The following PGAP1 variants were observed in gnomAD, a reference collection of about 807,000 sequenced individuals.
PGAP1 encodes the protein post-GPI attachment to proteins inositol deacylase 1, also known as GPI inositol-deacylase.
Under a neutral mutation model 127.0 loss-of-function variants are expected in PGAP1, and 76 were observed. That is an observed-to-expected ratio of 0.60 (90% CI 0.50 to 0.72). The LOEUF (loss-of-function observed/expected upper bound fraction) is 0.72. Among genes scored for constraint, PGAP1 ranks in the 30% least tolerant of loss-of-function variants. PGAP1 has a pLI of 0.00. For synonymous variants in PGAP1, 362 were observed against 366.5 expected (o/e 0.99, Z 0.14); for missense variants, 982 against 1,071.3 (o/e 0.92, Z 1.16).
At chr2:196,914,653 CAAAACA>C (rs1702941541) in intron 3 of PGAP1, among the ~76,000 whole-genome samples, 1 of 149,142 alleles carries the variant, frequency 6.7e-6, no homozygotes, top group East Asian at 2.0e-4. Flanking sequence ...CAAAACAAAA[CAAAACA>C]AAACAAGTTG....
Position 196,891,732 on chromosome 2 carries a change from C to T in PGAP1, c.1089+614G>A, listed in dbSNP as rs114941290. Among the ~76,000 whole-genome samples, 787 of 152,108 alleles carry T rather than the reference C, an allele frequency of 5.2e-3. 4 individuals are homozygous for T. The highest frequency in any genetic ancestry group is 8.3e-3 in the Non-Finnish European group (564 of 67,920). ...TAAGTATATAGAATTAACTAGAATACTATTCTAGTTAATAAATAATAAAAT... is the reference window on the plus strand; with the variant it reads ...TAAGTATATAGAATTAACTAGAATATTATTCTAGTTAATAAATAATAAAAT... On this transcript the variant is annotated intron_variant, in intron 9 of 26. Coordinates refer to ENST00000354764, the MANE Select transcript of PGAP1 (RefSeq NM_024989.4).
Position 196,886,841 on chromosome 2 carries a change from C to T in PGAP1, c.1174-961G>A, listed in dbSNP as rs150415659. Among the ~76,000 whole-genome samples the T allele has an allele frequency of 9.5e-3, 1,447 of 151,930 alleles. 13 individuals are homozygous for T. The highest frequency in any genetic ancestry group is 0.015 in the Non-Finnish European group (1,001 of 67,948). ...GCCTCCAGAGTAGCTGGGACTACAGCGGTGTGACACCACACACAGCTAATT... is the reference window on the plus strand; with the variant it reads ...GCCTCCAGAGTAGCTGGGACTACAGTGGTGTGACACCACACACAGCTAATT... On this transcript the variant is annotated intron_variant, in intron 10 of 26. Transcript: ENST00000354764.
At chr2:196,854,434 T>C (rs985086828) in intron 20 of PGAP1, among the ~76,000 whole-genome samples, 5 of 152,216 alleles carry the variant, frequency 3.3e-5, no homozygotes, top group African/African-American at 1.2e-4. Context: ...AAATCAAATA[T>C]GTTATCAGTC....
chr2:196,896,681 A>G (rs1702284080), intron 7 of PGAP1, among the ~76,000 whole-genome samples: 1 of 151,766 alleles, frequency 6.6e-6, no homozygotes, highest in Admixed American at 6.6e-5. Context: ...CCCCATCTCT[A>G]TTAAAAATAC....
At chr2:196,894,758 C>T (rs1010279467) in intron 7 of PGAP1, among the ~76,000 whole-genome samples, 5 of 152,224 alleles carry the variant, frequency 3.3e-5, no homozygotes, top group Admixed American at 6.5e-5. Context: ...GCCGAGATCG[C>T]GCCACTGCAC....
chr2:196,861,474 AAAAC>A (rs1368553825), intron 20 of PGAP1, among the ~76,000 whole-genome samples: 1 of 152,266 alleles, frequency 6.6e-6, no homozygotes, highest in East Asian at 1.9e-4. Flanking sequence ...ACTCAACAGC[AAAAC>A]AAACAAATAC....
intron 20 of PGAP1, among the ~76,000 whole-genome samples, chr2:196,851,160 T>C (rs1192053716): frequency 6.6e-6 from 1 of 151,642 alleles, no homozygotes; most frequent in Non-Finnish European, 1.5e-5. Flanking sequence ...TTTTGTTTTT[T>C]TTAAAAAAAA....
intron 4 of PGAP1, among the ~76,000 whole-genome samples, chr2:196,912,601 A>AC (rs1283782875): frequency 1.4e-5 from 2 of 144,356 alleles, no homozygotes; most frequent in African/African-American, 5.3e-5. Flanking sequence ...AAAAAAAAAA[A>AC]AAAAAACTAA....
intron 19 of PGAP1, among the ~76,000 whole-genome samples, chr2:196,870,115 T>C (rs1701366882): frequency 6.6e-6 from 1 of 152,216 alleles, no homozygotes; most frequent in Admixed American, 6.5e-5. Flanking sequence ...TTTGTAATAT[T>C]ATTTGCTAAT....
In PGAP1 at chr2:196,847,937, T is replaced by G. The variant is rs7609297; in HGVS notation, c.1952+10A>C. 1,697 of 1,529,708 alleles carry G rather than the reference T, an allele frequency of 1.1e-3. 14 individuals are homozygous for G. The African/African-American group carries it at 0.021, about 19-fold the overall frequency. 94.8% of individuals were successfully genotyped at this position (1,529,708 alleles called of 1,614,324 possible). A position where few individuals can be genotyped will look rare whatever the true frequency, so the allele number is the denominator to read the frequency against. On this transcript the variant is annotated intron_variant, in intron 21 of 26. Coordinates refer to ENST00000354764, the MANE Select transcript of PGAP1 (RefSeq NM_024989.4). ...CAATTAAAATCATTATCACAGATAA[T>G]AAAACTTACCCCAACAGAAACTTAA...
At chr2:196,875,618 C>A in intron 14 of PGAP1, 128 bp downstream of exon 14, 2 of 621,340 alleles carry the variant, frequency 3.2e-6, no homozygotes, top group South Asian at 1.8e-5. Flanking sequence ...ACCACTGAAC[C>A]ACATCATATA....
chr2:196,880,087 G>T lies in PGAP1; in HGVS notation c.1339C>A (p.Arg447Ser). ...SHLVVYVPSV[R>S]GSKFVVDCEF... is the part of the protein sequence containing the mutation. The stretch of plus-strand genomic sequence containing the variant: ...AACCCACTTGTTACCTTACTTCCAC[G>T]AACAGATGGTACATAAACAACAAGA... The change falls in exon 13 of 27, where the codon CGT becomes AGT. Residue 447 changes from arginine to serine, a missense_variant. Coordinates refer to ENST00000354764, the MANE Select transcript of PGAP1 (RefSeq NM_024989.4). 1 of 1,601,986 alleles carries T rather than the reference G, an allele frequency of 6.2e-7. No homozygotes were observed. Among genetic ancestry groups the T allele is most frequent in the South Asian group, 1.1e-5 (1 of 90,222 alleles).
Position 196,865,018 on chromosome 2 carries a change from A to G in PGAP1, c.1830T>C (p.Tyr610=). 1 of 1,565,252 alleles carries G rather than the reference A, an allele frequency of 6.4e-7. No homozygotes were observed. The highest frequency in any genetic ancestry group is 8.6e-7 in the Non-Finnish European group (1 of 1,164,152). The change falls in exon 20 of 27, where the codon TAT becomes TAC. Residue 610 remains tyrosine, a synonymous_variant. Transcript: ENST00000354764. ...AYVVSNILLA[Y]RGQLYSLFST... is the part of the protein sequence containing the mutation. ...AGAAAAGAGAATATAACTGTCCTCTATAAGCAAGAAGGATATTAGATACGA... is the reference window on the plus strand; with the variant it reads ...AGAAAAGAGAATATAACTGTCCTCTGTAAGCAAGAAGGATATTAGATACGA...
intron 21 of PGAP1, 105 bp from the exon 22 acceptor site, chr2:196,847,305 ATACT>A (rs1369939836): frequency 7.5e-6 from 6 of 802,098 alleles, no homozygotes; most frequent in Non-Finnish European, 1.2e-5. Context: ...AAGTTCCATG[ATACT>A]TAATTTATAA....
Position 196,872,486 on chromosome 2 carries a change from A to G in PGAP1, c.1683T>C (p.His561=), listed in dbSNP as rs1701438502. The change falls in exon 18 of 27, where the codon CAT becomes CAC. Residue 561 remains histidine, a synonymous_variant. Coordinates refer to ENST00000354764, the MANE Select transcript of PGAP1 (RefSeq NM_024989.4). ...ACGTGTACATTTTAAATAATGCCAC[A>G]TGGGTATTGTTTTCTGGTTGAGCAA... ...LHIAQPENNT[H]VALFKMYTSS... is the part of the protein sequence containing the mutation. 1.9e-6 allele frequency: 3 copies of G among 1,613,314 alleles called. No individual in the cohort carries two copies. The highest frequency in any genetic ancestry group is 2.5e-6 in the Non-Finnish European group (3 of 1,179,384).
intron 23 of PGAP1, 130 bp downstream of exon 23, chr2:196,845,752 C>G: frequency 1.6e-6 from 1 of 619,652 alleles, no homozygotes; most frequent in Non-Finnish European, 2.5e-6. Flanking sequence ...TAATTACATT[C>G]AAACCCGTTA....
chr2:196,922,551 T>G (rs1297272623), intron 1 of PGAP1: 5 of 965,472 alleles, frequency 5.2e-6, no homozygotes, highest in Non-Finnish European at 6.1e-6. Context: ...AATCCATAGT[T>G]CATACTGCTA....
At chr2:196,878,423 T>C (rs1358186806) in intron 13 of PGAP1, among the ~76,000 whole-genome samples, 1 of 152,178 alleles carries the variant, frequency 6.6e-6, no homozygotes, top group Non-Finnish European at 1.5e-5. Flanking sequence ...CCAATTGTGG[T>C]GTCAGGTTGG....
At chr2:196,841,923 A>C (rs1700424257) in intron 26 of PGAP1, among the ~76,000 whole-genome samples, 1 of 152,194 alleles carries the variant, frequency 6.6e-6, no homozygotes, top group Admixed American at 6.5e-5. Flanking sequence ...TTCTAATTTT[A>C]AAAACAGAAA....
Sources: allele counts gnomAD v4.1 joint callset (sites outside exome capture counted in the v4.1 genomes callset), GRCh38; gene constraint gnomAD v4.1.1; transcripts MANE v1.5; gene names NCBI Gene and HGNC (gene_info 2026-07-23, HGNC 2026-07-21).